DOCK1: variants seen among roughly 807,000 people sequenced by gnomAD.
DOCK1 encodes the protein dedicator of cytokinesis protein 1.
In DOCK1, 138 loss-of-function variants were observed where a neutral mutation model predicts 262.7. The observed-to-expected ratio is 0.53, with a 90% confidence interval of 0.46 to 0.61. The LOEUF (loss-of-function observed/expected upper bound fraction) is 0.61, where lower values mean the gene tolerates loss of function less well. Among genes scored for constraint, DOCK1 ranks in the 20% least tolerant of loss-of-function variants. The pLI, the probability that DOCK1 is intolerant of heterozygous loss-of-function variation, is 0.00. For missense variants in DOCK1, 1,908 were observed against 2,370.7 expected (o/e 0.80, Z 4.05); for synonymous variants, 866 against 867.4 (o/e 1.00, Z 0.03).
At chr10:127,023,794 G>A (rs2042624837) in intron 14 of DOCK1, among the ~76,000 whole-genome samples, 1 of 152,094 alleles carries the variant, frequency 6.6e-6, no homozygotes, top group Non-Finnish European at 1.5e-5. Flanking sequence ...CTCATTTGCT[G>A]TCACAAGCCC....
At position 127,175,076 on chromosome 10, in the gene DOCK1, C is replaced by T. The variant is rs1236008298; in HGVS notation, c.2847+47312C>T. On this transcript the variant is annotated intron_variant, in intron 27 of 51. Transcript: ENST00000623213. This position sits in a 1 kb window ranked among gnomAD's most constrained non-coding sequence, Gnocchi z 6.3. Reference sequence around the variant, plus strand: ...AAATAATCTGCGACCCCTTGGAGCTCGCCACGCCCTTAGACTATGACCTGT... The same window carrying T: ...AAATAATCTGCGACCCCTTGGAGCTTGCCACGCCCTTAGACTATGACCTGT... 15 of 743,012 alleles carry T rather than the reference C, an allele frequency of 2.0e-5. No homozygotes were observed. The highest frequency in any genetic ancestry group is 3.3e-4 in the Middle Eastern group (1 of 3,034). 46.0% of individuals were successfully genotyped at this position (743,012 alleles called of 1,614,324 possible). A position where few individuals can be genotyped will look rare whatever the true frequency, so the allele number is the denominator to read the frequency against.
rs7919401 is a variant in DOCK1 at position 127,394,533 on chromosome 10, C to T, written c.3928-8522C>T. ...GTTATTAAGAGGGACTGCAGGTCAA[C>T]ATAATGAAGCCCTCATATGGGTTTC... On this transcript the variant is annotated intron_variant, in intron 38 of 51. Coordinates refer to ENST00000623213, the MANE Select transcript of DOCK1 (RefSeq NM_001290223.2). Among the ~76,000 whole-genome samples, 926 of 152,266 alleles carry T rather than the reference C, an allele frequency of 6.1e-3. 10 individuals are homozygous for T. Among genetic ancestry groups the T allele is most frequent in the African/African-American group, 0.021 (886 of 41,548 alleles).
chr10:127,259,374 T>C (rs2059935764), intron 29 of DOCK1, among the ~76,000 whole-genome samples: 1 of 152,254 alleles, frequency 6.6e-6, no homozygotes, highest in Non-Finnish European at 1.5e-5. Flanking sequence ...CTAGATTTCC[T>C]CTGAAGAGCT....
intron 29 of DOCK1, among the ~76,000 whole-genome samples, chr10:127,289,992 T>G (rs1294844903): frequency 6.6e-6 from 1 of 152,118 alleles, no homozygotes; most frequent in East Asian, 1.9e-4. Context: ...GCTGGTAAAT[T>G]CATGCATTTT....
At chr10:126,929,715 T>C (rs1165393575) in intron 1 of DOCK1, among the ~76,000 whole-genome samples, 7 of 152,144 alleles carry the variant, frequency 4.6e-5, no homozygotes, top group African/African-American at 1.7e-4. Context: ...GGAGGGACCA[T>C]TGCGGGGAGG....
chr10:127,293,593 C>T (rs2061414312), intron 29 of DOCK1, among the ~76,000 whole-genome samples: 1 of 152,172 alleles, frequency 6.6e-6, no homozygotes, highest in South Asian at 2.1e-4. Context: ...CCCCATCCCA[C>T]CCGCAGGTTG....
intron 1 of DOCK1, among the ~76,000 whole-genome samples, chr10:126,906,614 CTG>C (rs1386127522): frequency 2.0e-5 from 3 of 152,206 alleles, no homozygotes; most frequent in Non-Finnish European, 4.4e-5. Flanking sequence ...ACAGCCCAGG[CTG>C]TGTCCTCCAA....
chr10:127,209,295 A>G (rs755983076), intron 27 of DOCK1, among the ~76,000 whole-genome samples: 1 of 152,254 alleles, frequency 6.6e-6, no homozygotes, highest in South Asian at 2.1e-4. Context: ...ATGCAAGTGC[A>G]TGTGCCTATT....
At position 127,037,832 on chromosome 10, in the gene DOCK1, A is replaced by C. The variant is rs376509936; in HGVS notation, c.2010+16A>C. ...AGTAGTGAAGGTAACATGGAGCCCA[A>C]AGGGACTTTTTGGGTCTTTTTTTTT... is the stretch of plus-strand genomic sequence containing the variant. On this transcript the variant is annotated intron_variant, in intron 19 of 51. Transcript: ENST00000623213. 1.3e-6 allele frequency: 2 copies of C among 1,524,626 alleles called. No individual in the cohort carries two copies. The highest frequency in any genetic ancestry group is 1.8e-6 in the Non-Finnish European group (2 of 1,140,540). The allele number at this position is 1,524,626 out of a possible 1,614,324, so 94.4% of individuals were successfully genotyped here.
intron 45 of DOCK1, 46 bp downstream of exon 45, chr10:127,418,587 G>C (rs975081113): frequency 6.4e-7 from 1 of 1,562,104 alleles, no homozygotes; most frequent in Non-Finnish European, 8.6e-7. Flanking sequence ...CCTGCCCGGG[G>C]ACAGACTGAA....
At chr10:127,263,901 A>G (rs890306407) in intron 29 of DOCK1, among the ~76,000 whole-genome samples, 2 of 152,170 alleles carry the variant, frequency 1.3e-5, no homozygotes. Flanking sequence ...TTATGTACTA[A>G]TAACCCCTAC....
chr10:127,129,202 C>G (rs2050157111), intron 27 of DOCK1, among the ~76,000 whole-genome samples: 1 of 152,048 alleles, frequency 6.6e-6, no homozygotes. Flanking sequence ...GTGTTTCCAT[C>G]CAGTGAAACA....
intron 1 of DOCK1, among the ~76,000 whole-genome samples, chr10:126,956,540 TC>T (rs2036753876): frequency 6.6e-6 from 1 of 152,162 alleles, no homozygotes; most frequent in Admixed American, 6.5e-5. Context: ...AGATCCTTGC[TC>T]CCCGCCCACG....
chr10:127,392,627 C>T (rs1307643458), intron 38 of DOCK1, among the ~76,000 whole-genome samples: 1 of 152,018 alleles, frequency 6.6e-6, no homozygotes, highest in African/African-American at 2.4e-5. Context: ...AGAAGGTGGC[C>T]GTCACCCAGA....
chr10:127,175,991 G>C lies in DOCK1; in HGVS notation c.2847+48227G>C. The C allele has an allele frequency of 6.2e-7, 1 of 1,614,190 alleles. No individual in the cohort carries two copies. The highest frequency in any genetic ancestry group is 1.1e-5 in the South Asian group (1 of 91,080). On this transcript the variant is annotated intron_variant, in intron 27 of 51. Coordinates refer to ENST00000623213, the MANE Select transcript of DOCK1 (RefSeq NM_001290223.2). The surrounding 1 kb of genome is among the most constrained non-coding windows in gnomAD (Gnocchi z 6.3). Reference sequence around the variant, plus strand: ...GAAACCCATTGTTTTGGCTTTTAAAGGGATCTGCAGCTGGGAGGCTTTTGA... The same window carrying C: ...GAAACCCATTGTTTTGGCTTTTAAACGGATCTGCAGCTGGGAGGCTTTTGA...
chr10:127,138,726 G>T (rs1592172475), intron 27 of DOCK1, among the ~76,000 whole-genome samples: 1 of 152,202 alleles, frequency 6.6e-6, no homozygotes, highest in Non-Finnish European at 1.5e-5. Flanking sequence ...TGGCGTGCAA[G>T]CACAGAGCCA....
At chr10:127,292,188 A>C (rs1047902861) in intron 29 of DOCK1, among the ~76,000 whole-genome samples, 1 of 152,060 alleles carries the variant, frequency 6.6e-6, no homozygotes, top group African/African-American at 2.4e-5. Context: ...TCTCTGCATT[A>C]ATTTTTCTTT....
Position 127,212,260 on chromosome 10 carries a change from G to T in DOCK1, c.2848-35748G>T, listed in dbSNP as rs1284561966. Among the ~76,000 whole-genome samples, 6 of 152,246 alleles carry T rather than the reference G, an allele frequency of 3.9e-5. No individual in the cohort carries two copies. The East Asian group carries it at 1.2e-3, about 29-fold the overall frequency. ...TTAAATTATTTCAAGAATCATTTTG[G>T]TCTTTGCTCTCAAGTAAAAGTGGTT... On this transcript the variant is annotated intron_variant, in intron 27 of 51. Transcript: ENST00000623213.
At chr10:127,238,043 C>T (rs906234413) in intron 27 of DOCK1, among the ~76,000 whole-genome samples, 20 of 152,190 alleles carry the variant, frequency 1.3e-4, no homozygotes, top group African/African-American at 4.8e-4. Context: ...TGGTCACAGA[C>T]ACAGGGACAC....
Sources: gnomAD v4.1 joint callset for allele counts (sites outside exome capture counted in the v4.1 genomes callset) on GRCh38, gnomAD v4.1.1 for gene constraint, Gnocchi (gnomAD v3.1) non-coding constraint, MANE v1.5 for transcripts, NCBI Gene and HGNC (gene_info 2026-07-23, HGNC 2026-07-21) for gene names.